Variants in NBEA observed in about 807,000 individuals in gnomAD.
The protein encoded by NBEA is lysosomal-trafficking regulator 2.
A neutral mutation model predicts 343.4 loss-of-function variants in NBEA; 44 were observed. That is an observed-to-expected ratio of 0.13 (90% CI 0.10 to 0.16). The LOEUF (loss-of-function observed/expected upper bound fraction) is 0.16, where lower values mean the gene tolerates loss of function less well. NBEA is among the 10% of genes least tolerant of loss of function. The probability of loss-of-function intolerance (pLI) is 1.00; values close to 1 mark genes in which losing one functional copy is unlikely to be tolerated. For synonymous variants in NBEA, 1,175 were observed against 1,238.7 expected, an observed-to-expected ratio of 0.95 and a Z score of 1.08; for missense variants, 2,555 against 3,631.3, an observed-to-expected ratio of 0.70 and a Z score of 7.62.
chr13:35,450,200 C>A (rs1040167385), intron 39 of NBEA, among the ~76,000 whole-genome samples: 2 of 151,930 alleles, frequency 1.3e-5, no homozygotes, highest in African/African-American at 4.8e-5. Flanking sequence ...TGAGGCTGGG[C>A]ACAGTGGCTC....
intron 10 of NBEA, among the ~76,000 whole-genome samples, chr13:35,075,995 C>A (rs982843767): frequency 1.3e-5 from 2 of 151,764 alleles, no homozygotes; most frequent in Non-Finnish European, 2.9e-5. Flanking sequence ...CCAACTTAAT[C>A]TGACTTAAAA....
intron 41 of NBEA, among the ~76,000 whole-genome samples, chr13:35,477,459 C>A (rs1461500558): frequency 6.6e-6 from 1 of 152,142 alleles, no homozygotes; most frequent in Non-Finnish European, 1.5e-5. Flanking sequence ...AAGCAGGACA[C>A]AACGCTATAT....
chr13:35,214,844 T>C (rs2073976113), intron 33 of NBEA, among the ~76,000 whole-genome samples: 1 of 151,812 alleles, frequency 6.6e-6, no homozygotes, highest in South Asian at 2.1e-4. Context: ...ATTAGGTTTC[T>C]GATCTGTTTT....
chr13:34,994,830 A>G lies in NBEA; in HGVS notation c.295-46103A>G, dbSNP rs533286708. Among the ~76,000 whole-genome samples, 23 of 152,346 alleles carry G rather than the reference A, an allele frequency of 1.5e-4. No individual in the cohort carries two copies. The South Asian group carries it at 2.1e-3, about 14-fold the overall frequency. ...TCTTTTTTCTGAGACTCTTGTGCAT[A>G]TGGATGGTTTTTGGTTGGGTCTGCT... On this transcript the variant is annotated intron_variant, in intron 1 of 58. Coordinates refer to ENST00000379939, the MANE Select transcript of NBEA (RefSeq NM_001385012.1).
intron 10 of NBEA, among the ~76,000 whole-genome samples, chr13:35,094,825 A>G (rs1169301830): frequency 6.6e-6 from 1 of 151,992 alleles, no homozygotes; most frequent in Non-Finnish European, 1.5e-5. Flanking sequence ...AAAAATGTCA[A>G]AAGATTTTTC....
At chr13:35,445,795 T>TAC (rs1555267135) in intron 39 of NBEA, among the ~76,000 whole-genome samples, 16 of 80,326 alleles carry the variant, frequency 2.0e-4, no homozygotes, top group African/African-American at 8.5e-4. Context: ...TATATATATA[T>TAC]ATATATATAT....
chr13:35,188,683 A>G (rs895946893), intron 30 of NBEA, among the ~76,000 whole-genome samples: 7 of 152,104 alleles, frequency 4.6e-5, no homozygotes, highest in Admixed American at 1.3e-4. Context: ...TAATGCTGCA[A>G]TGAACATTGG....
chr13:35,208,757 G>T lies in NBEA; in HGVS notation c.5424G>T (p.Val1808=). 6.2e-7 allele frequency: 1 copy of T among 1,612,028 alleles called. No individual in the cohort carries two copies. The highest frequency in any genetic ancestry group is 2.2e-5 in the East Asian group (1 of 44,678). ...PPPGSLAVTT[V]GATTAGSGLP... is the part of the protein sequence containing the mutation. ...CAGGTAGTTTAGCTGTAACCACTGT[G>T]GGAGCCACTACTGCTGGAAGTGGGC... Residue 1808 remains valine (V), a synonymous_variant, in exon 32 of 59, where the codon GTG becomes GTT. Transcript: ENST00000379939.
chr13:35,108,223 C>A (rs1475423280), intron 11 of NBEA, among the ~76,000 whole-genome samples: 1 of 151,952 alleles, frequency 6.6e-6, no homozygotes, highest in Non-Finnish European at 1.5e-5. Flanking sequence ...ATAGGTGATT[C>A]TTTACCCTAT....
At chr13:35,011,563 A>C (rs1326175063) in intron 1 of NBEA, among the ~76,000 whole-genome samples, 1 of 152,222 alleles carries the variant, frequency 6.6e-6, no homozygotes, top group Non-Finnish European at 1.5e-5. Context: ...ATGACATTCA[A>C]ATGCAAATCT....
chr13:34,962,803 A>G (rs946810896), intron 1 of NBEA, among the ~76,000 whole-genome samples: 2 of 152,022 alleles, frequency 1.3e-5, no homozygotes, highest in African/African-American at 4.8e-5. Context: ...TGGAAAGCAG[A>G]AGATGTGTTT....
chr13:35,183,959 C>T lies in NBEA; in HGVS notation c.4832-17C>T, dbSNP rs1232117923. ...TTACATGCTGGCTCAAATTTGATTC[C>T]ATGATTTTCTCCACAGTTGTGGTCA... On this transcript the variant is annotated splice_polypyrimidine_tract_variant and intron_variant, in intron 29 of 58. Transcript: ENST00000379939. 26 of 1,592,170 alleles carry T rather than the reference C, an allele frequency of 1.6e-5. No homozygotes were observed. Among genetic ancestry groups the T allele is most frequent in the Non-Finnish European group, 2.2e-5 (26 of 1,163,806 alleles).
chr13:35,534,286 A>G (rs961915253), intron 41 of NBEA, among the ~76,000 whole-genome samples: 5 of 152,116 alleles, frequency 3.3e-5, no homozygotes, highest in African/African-American at 2.4e-5. Context: ...CTCTAGCCCT[A>G]TCTGTCTCAG....
At chr13:35,491,479 T>A (rs1054558894) in intron 41 of NBEA, among the ~76,000 whole-genome samples, 7 of 151,938 alleles carry the variant, frequency 4.6e-5, no homozygotes, top group Admixed American at 6.6e-5. Context: ...CAGTCATCTG[T>A]ACCTCAGTAA....
At position 35,211,007 on chromosome 13, in the gene NBEA, T is replaced by A. The variant is rs111348628; in HGVS notation, c.5522-46T>A. 1,979 of 1,525,006 alleles carry A rather than the reference T, an allele frequency of 1.3e-3. 27 individuals are homozygous for A. The African/African-American group carries it at 0.024, about 19-fold the overall frequency. The allele number at this position is 1,525,006 out of a possible 1,614,324, so 94.5% of individuals were successfully genotyped here. On this transcript the variant is annotated intron_variant, in intron 32 of 58. Coordinates refer to ENST00000379939, the MANE Select transcript of NBEA (RefSeq NM_001385012.1). ...AGTAATGGTGTAATTAAAATTTTTT[T>A]AAATAAATTTATGTTTAAGGCTAAA...
chr13:35,292,344 A>G (rs1298339281), intron 35 of NBEA, among the ~76,000 whole-genome samples: 3 of 151,998 alleles, frequency 2.0e-5, no homozygotes, highest in Non-Finnish European at 4.4e-5. Flanking sequence ...TTTATATCCT[A>G]TTTTCATCCA....
At chr13:35,052,586 A>T (rs1317721895) in intron 6 of NBEA, among the ~76,000 whole-genome samples, 1 of 151,886 alleles carries the variant, frequency 6.6e-6, no homozygotes, top group African/African-American at 2.4e-5. Flanking sequence ...TATATACATA[A>T]TATCACTATG....
intron 41 of NBEA, among the ~76,000 whole-genome samples, chr13:35,507,860 A>G (rs1319226868): frequency 6.6e-6 from 1 of 152,116 alleles, no homozygotes; most frequent in Non-Finnish European, 1.5e-5. Context: ...TTCCATCATC[A>G]TAATTCATTC....
intron 38 of NBEA, among the ~76,000 whole-genome samples, chr13:35,422,594 TG>T (rs2044366433): frequency 1.3e-5 from 2 of 152,188 alleles, no homozygotes. Context: ...TTGTGAATAG[TG>T]CCACAATTAA....
Sources: gnomAD v4.1 joint callset for allele counts (sites outside exome capture counted in the v4.1 genomes callset) on GRCh38, gnomAD v4.1.1 for gene constraint, MANE v1.5 for transcripts, NCBI Gene and HGNC (gene_info 2026-07-23, HGNC 2026-07-21) for gene names.